The following UBAP2 variants were observed in gnomAD, a reference collection of about 807,000 sequenced individuals.
The protein encoded by UBAP2 is ubiquitin associated protein 2.
In UBAP2, 75 loss-of-function variants were observed where a neutral mutation model predicts 139.6. The ratio of observed to expected loss-of-function variants is 0.54; its 90% confidence interval spans 0.45 to 0.65. UBAP2 has a LOEUF of 0.65. UBAP2 is among the 30% of genes least tolerant of loss of function. The pLI, the probability that UBAP2 is intolerant of heterozygous loss-of-function variation, is 0.00. For synonymous variants in UBAP2, 526 were observed against 526.2 expected, an observed-to-expected ratio of 1.00 and a Z score of 0.01; for missense variants, 1,368 against 1,369.6, an observed-to-expected ratio of 1.00 and a Z score of 0.02.
chr9:33,957,710 C>A (rs774367918), intron 10 of UBAP2, among the ~76,000 whole-genome samples: 12 of 152,070 alleles, frequency 7.9e-5, no homozygotes, highest in Non-Finnish European at 1.8e-4. Context: ...AATGAGGTAA[C>A]ACGGAAAACA....
chr9:34,048,906 G>A (rs922375079), upstream of UBAP2: 2 of 152,212 alleles, frequency 1.3e-5, no homozygotes, highest in African/African-American at 4.8e-5. Flanking sequence ...CAAAGCGGCG[G>A]CGGCGGCACA....
chr9:34,045,935 C>T (rs1183544808), intron 1 of UBAP2, among the ~76,000 whole-genome samples: 4 of 152,076 alleles, frequency 2.6e-5, no homozygotes, highest in African/African-American at 7.2e-5. Flanking sequence ...GTTGTATCTC[C>T]ACTCTTTGGA....
chr9:33,948,243 G>A, intron 13 of UBAP2, 131 bp downstream of exon 13: 1 of 725,844 alleles, frequency 1.4e-6, no homozygotes, highest in Non-Finnish European at 2.1e-6. Context: ...ATTTAACTGA[G>A]AAACTGCAAG....
At chr9:33,996,117 G>T (rs749478197) in intron 4 of UBAP2, 106 bp downstream of exon 4, 1 of 753,638 alleles carries the variant, frequency 1.3e-6, no homozygotes. Context: ...AATATGGAAT[G>T]GCACCATAAT....
intron 16 of UBAP2, among the ~76,000 whole-genome samples, chr9:33,940,876 T>G (rs1311859254): frequency 1.3e-5 from 2 of 152,230 alleles, no homozygotes; most frequent in African/African-American, 4.8e-5. Context: ...AATTAAGATA[T>G]CCACATTGTA....
Position 33,973,209 on chromosome 9 carries a change from T to TG in UBAP2, c.548dup (p.Gly184ArgfsTer12). The TG allele has an allele frequency of 1.9e-6, 3 of 1,614,052 alleles. No individual in the cohort carries two copies. The highest frequency in any genetic ancestry group is 2.5e-6 in the Non-Finnish European group (3 of 1,179,972). On this transcript the variant is annotated frameshift_variant, in exon 7 of 29. Coordinates refer to ENST00000379238, the MANE Select transcript of UBAP2 (RefSeq NM_001370062.2). LOFTEE classifies it high-confidence loss of function. Reference sequence around the variant, plus strand: ...CCATGCCTTGGGTTGAGAACCTTCCTGCCCCTCTCCCTCTGCCACGTCCAA... The same window carrying TG: ...CCATGCCTTGGGTTGAGAACCTTCCTGGCCCCTCTCCCTCTGCCACGTCCAA...
chr9:34,012,915 C>G (rs1823887190), intron 2 of UBAP2, among the ~76,000 whole-genome samples: 1 of 151,124 alleles, frequency 6.6e-6, no homozygotes, highest in Admixed American at 6.6e-5. Flanking sequence ...GTTTGGGAAG[C>G]TGAGGTGGGC....
At chr9:34,002,171 C>G (rs1349361783) in intron 2 of UBAP2, among the ~76,000 whole-genome samples, 1 of 151,694 alleles carries the variant, frequency 6.6e-6, no homozygotes, top group South Asian at 2.1e-4. Flanking sequence ...CCATGCTGGT[C>G]TCAAACTCCT....
intron 1 of UBAP2, among the ~76,000 whole-genome samples, chr9:34,040,089 G>T (rs145758424): frequency 0.018 from 2,733 of 151,812 alleles, 45 homozygotes; most frequent in Non-Finnish European, 0.03. Flanking sequence ...AACCCAGGAG[G>T]CGGAGGTTGC....
chr9:33,923,665 C>G, intron 24 of UBAP2, 130 bp downstream of exon 24: 1 of 1,122,104 alleles, frequency 8.9e-7, no homozygotes, highest in South Asian at 1.4e-5. Flanking sequence ...CCAGCCTGAA[C>G]AGTTTCTGAA....
At chr9:33,991,386 G>A (rs901713437) in intron 4 of UBAP2, among the ~76,000 whole-genome samples, 1 of 152,114 alleles carries the variant, frequency 6.6e-6, no homozygotes, top group African/African-American at 2.4e-5. Context: ...AGGGGAGGCG[G>A]ATTCCCAAAA....
chr9:33,922,409 A>G lies in UBAP2; in HGVS notation c.*95T>C, dbSNP rs1554678896. ...GAGGCATGGCTGACACATGTCGGGA[A>G]TTCTAGGAAAGGGCACTGGGCTCCC... is the stretch of plus-strand genomic sequence containing the variant. On this transcript the variant is annotated 3_prime_UTR_variant, in exon 29 of 29. Coordinates refer to ENST00000379238, the MANE Select transcript of UBAP2 (RefSeq NM_001370062.2). 3 of 1,253,616 alleles carry G rather than the reference A, an allele frequency of 2.4e-6. No homozygotes were observed. The highest frequency in any genetic ancestry group is 3.9e-5 in the Admixed American group (2 of 50,680). The allele number at this position is 1,253,616 out of a possible 1,614,324, so 77.7% of individuals were successfully genotyped here.
intron 22 of UBAP2, 67 bp downstream of exon 22, chr9:33,926,550 A>G: frequency 3.2e-6 from 5 of 1,568,682 alleles, no homozygotes; most frequent in Non-Finnish European, 3.5e-6. Context: ...GGCAGCCAAG[A>G]CCATAAGAGG....
At chr9:33,971,127 C>A (rs2131053343) in intron 8 of UBAP2, among the ~76,000 whole-genome samples, 2 of 152,184 alleles carry the variant, frequency 1.3e-5, no homozygotes, top group Middle Eastern at 3.4e-3. Context: ...TAAGTATAAT[C>A]TCAATAATTA....
At chr9:33,926,142 G>C (rs978767422) in intron 22 of UBAP2, among the ~76,000 whole-genome samples, 2 of 152,108 alleles carry the variant, frequency 1.3e-5, no homozygotes, top group Admixed American at 1.3e-4. Flanking sequence ...AGACCTTAAA[G>C]ACCATCAGCT....
chr9:33,961,621 T>C (rs1469056176), intron 9 of UBAP2, among the ~76,000 whole-genome samples: 1 of 152,194 alleles, frequency 6.6e-6, no homozygotes, highest in Non-Finnish European at 1.5e-5. Context: ...ATAATGGTTT[T>C]AAAGGAAATA....
chr9:33,938,834 T>C (rs1824828663), intron 16 of UBAP2: 1 of 409,600 alleles, frequency 2.4e-6, no homozygotes, highest in East Asian at 7.7e-5. Flanking sequence ...GAAATTTCCA[T>C]AGTTCACATG....
At chr9:33,969,633 A>G (rs904990288) in intron 8 of UBAP2, among the ~76,000 whole-genome samples, 1 of 150,032 alleles carries the variant, frequency 6.7e-6, no homozygotes, top group Non-Finnish European at 1.5e-5. Flanking sequence ...TTGGGAGGCC[A>G]AGGTGAGTGG....
At chr9:34,009,513 G>T (rs1564060675) in intron 2 of UBAP2, among the ~76,000 whole-genome samples, 1 of 152,114 alleles carries the variant, frequency 6.6e-6, no homozygotes, top group South Asian at 2.1e-4. Context: ...TCCCACCTCA[G>T]CCTCCCAAAG....
Sources: allele counts gnomAD v4.1 joint callset (sites outside exome capture counted in the v4.1 genomes callset), GRCh38; gene constraint gnomAD v4.1.1; transcripts MANE v1.5; gene names NCBI Gene and HGNC (gene_info 2026-07-23, HGNC 2026-07-21).